BABAM2: variants seen among roughly 807,000 people sequenced by gnomAD.
The protein encoded by BABAM2 is BRISC and BRCA1-A complex member 2.
In BABAM2, 31 loss-of-function variants were observed where a neutral mutation model predicts 54.7. The observed-to-expected ratio is 0.57, with a 90% CI of 0.43 to 0.77. The LOEUF (loss-of-function observed/expected upper bound fraction) is 0.77, where lower values mean the gene tolerates loss of function less well. BABAM2 is among the 30% of genes least tolerant of loss of function. BABAM2 has a pLI of 0.00. For missense variants in BABAM2, 364 were observed against 455.8 expected, an observed-to-expected ratio of 0.80 and a Z score of 1.83; for synonymous variants, 167 against 162.9, an observed-to-expected ratio of 1.03 and a Z score of -0.19.
chr2:27,947,119 C>T lies in BABAM2; in HGVS notation c.205+17211C>T, dbSNP rs143291946. Among the ~76,000 whole-genome samples, 680 of 152,136 alleles carry T rather than the reference C, an allele frequency of 4.5e-3. 6 individuals are homozygous for T. Among genetic ancestry groups the T allele is most frequent in the Non-Finnish European group, 5.5e-3 (376 of 67,998 alleles). ...GCTCTTTGTTTATGCTTGAAAATGT[C>T]TACCTTTTAAATGGAGTGTTTAGGT... On this transcript the variant is annotated intron_variant, in intron 3 of 11. Coordinates refer to ENST00000379624, the MANE Select transcript of BABAM2 (RefSeq NM_199191.3).
At chr2:28,165,523 T>C (rs1295489977) in intron 7 of BABAM2, among the ~76,000 whole-genome samples, 25 of 142,034 alleles carry the variant, frequency 1.8e-4, no homozygotes, top group Admixed American at 5.3e-4. Flanking sequence ...TTTTTTTTTT[T>C]CCTTGCTTTT....
chr2:28,099,156 A>G (rs1009872411), intron 6 of BABAM2, among the ~76,000 whole-genome samples: 21 of 152,230 alleles, frequency 1.4e-4, no homozygotes, highest in African/African-American at 5.1e-4. Context: ...TTACAGGGAA[A>G]GAATGCAGTA....
At chr2:27,915,629 A>G (rs1020899916) in intron 2 of BABAM2, among the ~76,000 whole-genome samples, 1 of 152,222 alleles carries the variant, frequency 6.6e-6, no homozygotes, top group Non-Finnish European at 1.5e-5. Flanking sequence ...AGCAGATGCT[A>G]AGTCTTTTCA....
intron 10 of BABAM2, among the ~76,000 whole-genome samples, chr2:28,260,264 G>T (rs192773137): frequency 1.3e-5 from 2 of 148,556 alleles, no homozygotes; most frequent in Non-Finnish European, 3.0e-5. Flanking sequence ...TCTTGAAATC[G>T]TGTAGTATAA....
chr2:28,254,264 G>T (rs1282010359), intron 10 of BABAM2, among the ~76,000 whole-genome samples: 3 of 152,096 alleles, frequency 2.0e-5, no homozygotes, highest in African/African-American at 7.2e-5. Flanking sequence ...AGCCTCCCAA[G>T]TATCTGGGAC....
intron 11 of BABAM2, chr2:28,308,191 C>G (rs1023766432): frequency 3.1e-6 from 1 of 319,812 alleles, no homozygotes; most frequent in African/African-American, 2.2e-5. Flanking sequence ...AGTTCTTGCC[C>G]CTCCCAAAGC....
chr2:28,211,384 A>ATATTTTT, intron 7 of BABAM2, among the ~76,000 whole-genome samples: 1 of 25,342 alleles, frequency 3.9e-5, no homozygotes, highest in South Asian at 2.5e-3. Flanking sequence ...CTTCCTTATT[A>ATATTTTT]TCTTTTTTTT....
intron 6 of BABAM2, among the ~76,000 whole-genome samples, chr2:28,051,382 A>T (rs1331892699): frequency 6.6e-6 from 1 of 152,256 alleles, no homozygotes; most frequent in Non-Finnish European, 1.5e-5. Flanking sequence ...AATAAGGAGA[A>T]GTCCAAAGAA....
At chr2:28,053,867 G>T (rs1678188477) in intron 6 of BABAM2, among the ~76,000 whole-genome samples, 1 of 152,088 alleles carries the variant, frequency 6.6e-6, no homozygotes, top group Admixed American at 6.6e-5. Flanking sequence ...AATGAGTGTG[G>T]CTGAGTTCCA....
At chr2:28,149,917 C>G (rs1329620900) in intron 7 of BABAM2, among the ~76,000 whole-genome samples, 1 of 152,108 alleles carries the variant, frequency 6.6e-6, no homozygotes, top group Non-Finnish European at 1.5e-5. Flanking sequence ...ATTAATGCCT[C>G]CAGGTATTCA....
chr2:27,978,769 G>A (rs1292951496), intron 3 of BABAM2, among the ~76,000 whole-genome samples: 1 of 152,058 alleles, frequency 6.6e-6, no homozygotes, highest in Non-Finnish European at 1.5e-5. Context: ...CGATTGGTAG[G>A]TTTTTGACCA....
chr2:28,039,725 C>CTTTTCT, intron 5 of BABAM2, among the ~76,000 whole-genome samples: 1 of 152,214 alleles, frequency 6.6e-6, no homozygotes, highest in East Asian at 1.9e-4. Context: ...ACTGTCACAG[C>CTTTTCT]TGTGATTACC....
chr2:28,248,207 C>CTTTTTCT lies in BABAM2; in HGVS notation c.934+3350_934+3351insCTTTTTT, dbSNP rs1553349503. Among the ~76,000 whole-genome samples the CTTTTTCT allele has an allele frequency of 9.1e-3, 496 of 54,258 alleles. 23 individuals are homozygous for CTTTTTCT. The highest frequency in any genetic ancestry group is 0.027 in the African/African-American group (409 of 15,058). 35.6% of individuals were successfully genotyped at this position (54,258 alleles called of 152,430 possible). On this transcript the variant is annotated intron_variant, in intron 10 of 11. Coordinates refer to ENST00000379624, the MANE Select transcript of BABAM2 (RefSeq NM_199191.3). ...AGTAGCTTTTGTTTATTTTCTTTTT[C>CTTTTTCT]TTTTTTTTTTTTTTTTTTTGAGACG...
chr2:28,048,952 C>T (rs375658120), intron 6 of BABAM2, among the ~76,000 whole-genome samples: 1 of 152,162 alleles, frequency 6.6e-6, no homozygotes, highest in African/African-American at 2.4e-5. Flanking sequence ...GTGAACTTAA[C>T]AATATGATGC....
At chr2:28,004,950 A>G (rs1004888671) in intron 4 of BABAM2, among the ~76,000 whole-genome samples, 32 of 152,248 alleles carry the variant, frequency 2.1e-4, no homozygotes, top group African/African-American at 7.7e-4. Flanking sequence ...ATTTTTAAAA[A>G]GCAAAATGTG....
At chr2:28,026,971 A>AAATATAT (rs1675893706) in intron 5 of BABAM2, among the ~76,000 whole-genome samples, 1 of 86,866 alleles carries the variant, frequency 1.2e-5, no homozygotes, top group African/African-American at 6.9e-5. Flanking sequence ...TATATATATA[A>AAATATAT]ATATATAAAT....
Position 28,258,081 on chromosome 2 carries a change from G to A in BABAM2, c.934+13219G>A, listed in dbSNP as rs569577595. 1.1e-4 allele frequency among the ~76,000 whole-genome samples: 16 copies of A among 152,260 alleles called. 1 individual carries two copies. The highest frequency in any genetic ancestry group is 3.4e-3 in the Middle Eastern group (1 of 294). The stretch of plus-strand genomic sequence containing the variant: ...AATCCCACCTACTTGGGAGGCTGAG[G>A]CAGGAGAAACGCTTGAACCCAGGAG... On this transcript the variant is annotated intron_variant, in intron 10 of 11. Transcript: ENST00000379624.
At chr2:28,176,713 A>G (rs564783144) in intron 7 of BABAM2, among the ~76,000 whole-genome samples, 1 of 151,554 alleles carries the variant, frequency 6.6e-6, no homozygotes, top group South Asian at 2.1e-4. Context: ...AACCAAATGG[A>G]AATTCTGAAA....
chr2:28,285,730 A>G (rs938148077), intron 10 of BABAM2, among the ~76,000 whole-genome samples: 9 of 151,738 alleles, frequency 5.9e-5, no homozygotes, highest in African/African-American at 2.2e-4. Flanking sequence ...GAGATGTGCA[A>G]ATAAGTCTTT....
Sources: allele counts gnomAD v4.1 joint callset (sites outside exome capture counted in the v4.1 genomes callset), GRCh38; gene constraint gnomAD v4.1.1; transcripts MANE v1.5; gene names NCBI Gene and HGNC (gene_info 2026-07-23, HGNC 2026-07-21).